SENP6: variants seen among roughly 807,000 people sequenced by gnomAD.
The protein encoded by SENP6 is SUMO specific peptidase 6.
Under a neutral mutation model 134.5 loss-of-function variants are expected in SENP6, and 41 were observed. The ratio of observed to expected loss-of-function variants is 0.30; its 90% CI spans 0.24 to 0.40. The LOEUF (loss-of-function observed/expected upper bound fraction) is 0.40. SENP6 is among the 10% of genes least tolerant of loss of function. SENP6 has a pLI of 1.00. For missense variants in SENP6, 1,248 were observed against 1,312.5 expected, an observed-to-expected ratio of 0.95 and a Z score of 0.76; for synonymous variants, 395 against 429.8, an observed-to-expected ratio of 0.92 and a Z score of 1.00.
In SENP6 at chr6:75,678,384, A is replaced by G. The variant is rs114794739; in HGVS notation, c.1849-199A>G. ...TTACATAAGTTGGGAGAGTATCACT[A>G]TCTAGAAGCTACAGATAATAAGAAA... On this transcript the variant is annotated intron_variant, in intron 14 of 23. Coordinates refer to ENST00000447266, the MANE Select transcript of SENP6 (RefSeq NM_015571.4). 7.7e-3 allele frequency: 3,749 copies of G among 487,460 alleles called. 134 individuals are homozygous for G. Among genetic ancestry groups the G allele is most frequent in the African/African-American group, 0.068 (3,351 of 49,218 alleles). The allele number at this position is 487,460 out of a possible 1,614,324, so 30.2% of individuals were successfully genotyped here. A position where few individuals can be genotyped will look rare whatever the true frequency, so the allele number is the denominator to read the frequency against.
In SENP6 at chr6:75,713,935, T is replaced by A. The variant is rs1007349802; in HGVS notation, c.3129+110T>A. ...ATATTTTAAAGAGTTTCAAAATTAT[T>A]GTTTCAAAAATTATTCCATGGAGCA... On this transcript the variant is annotated intron_variant, in intron 23 of 23. Coordinates refer to ENST00000447266, the MANE Select transcript of SENP6 (RefSeq NM_015571.4). 4 of 888,920 alleles carry A rather than the reference T, an allele frequency of 4.5e-6. No homozygotes were observed. The African/African-American group carries it at 6.8e-5, about 15-fold the overall frequency. The allele number at this position is 888,920 out of a possible 1,614,324, so 55.1% of individuals were successfully genotyped here. A position where few individuals can be genotyped will look rare whatever the true frequency, so the allele number is the denominator to read the frequency against.
chr6:75,656,709 C>G (rs767698153), intron 7 of SENP6, among the ~76,000 whole-genome samples: 27 of 152,112 alleles, frequency 1.8e-4, no homozygotes, highest in Non-Finnish European at 2.6e-4. Context: ...CACTATCAAT[C>G]ATTTACCATT....
intron 7 of SENP6, among the ~76,000 whole-genome samples, 163 bp from the exon 8 acceptor site, chr6:75,659,099 G>T (rs1482234819): frequency 6.6e-6 from 1 of 151,736 alleles, no homozygotes; most frequent in African/African-American, 2.4e-5. Context: ...ACTTGATGAA[G>T]TGGTCCATAT....
At chr6:75,672,858 C>A (rs1772785065) in intron 11 of SENP6, among the ~76,000 whole-genome samples, 1 of 152,086 alleles carries the variant, frequency 6.6e-6, no homozygotes, top group South Asian at 2.1e-4. Flanking sequence ...GACAGAGTCT[C>A]ACTCTGTTGC....
chr6:75,663,878 C>T (rs1238617004), intron 9 of SENP6, among the ~76,000 whole-genome samples: 2 of 148,380 alleles, frequency 1.3e-5, no homozygotes, highest in Non-Finnish European at 3.0e-5. Context: ...AAATATTTGA[C>T]ATACAATATC....
At chr6:75,710,751 T>C (rs1232770081) in intron 20 of SENP6, among the ~76,000 whole-genome samples, 2 of 152,136 alleles carry the variant, frequency 1.3e-5, no homozygotes, top group African/African-American at 2.4e-5. Context: ...AGAAGCTTTC[T>C]CAAAGAACAA....
At chr6:75,632,715 T>C (rs1222854863) in intron 3 of SENP6, among the ~76,000 whole-genome samples, 1 of 152,072 alleles carries the variant, frequency 6.6e-6, no homozygotes, top group Non-Finnish European at 1.5e-5. Context: ...GGTAGGGCGG[T>C]GGATTTAAAG....
At chr6:75,610,391 T>C (rs1767354313) in intron 1 of SENP6, among the ~76,000 whole-genome samples, 1 of 152,156 alleles carries the variant, frequency 6.6e-6, no homozygotes, top group Admixed American at 6.5e-5. Flanking sequence ...TCATATTACT[T>C]AGAATGATGC....
At chr6:75,708,819 G>A (rs1367572324) in intron 19 of SENP6, among the ~76,000 whole-genome samples, 1 of 152,126 alleles carries the variant, frequency 6.6e-6, no homozygotes, top group East Asian at 1.9e-4. Context: ...ACTCGAACCT[G>A]GGAGGCAGAG....
At position 75,602,412 on chromosome 6, in the gene SENP6, C is replaced by G. The variant is rs1582630674; in HGVS notation, c.-113C>G. 7.8e-7 allele frequency: 1 copy of G among 1,275,866 alleles called. No homozygotes were observed. The highest frequency in any genetic ancestry group is 2.1e-5 in the Admixed American group (1 of 48,452). The allele number at this position is 1,275,866 out of a possible 1,614,324, so 79.0% of individuals were successfully genotyped here. On this transcript the variant is annotated 5_prime_UTR_variant, in exon 1 of 24. Transcript: ENST00000447266. ...GCGCAGCCCGCCTGACGGCTGAGCC[C>G]GAGGCCCGCAACCCTGCGGCGTCTA...
intron 16 of SENP6, among the ~76,000 whole-genome samples, chr6:75,691,377 CA>C (rs1162498481): frequency 6.6e-6 from 1 of 152,012 alleles, no homozygotes; most frequent in Non-Finnish European, 1.5e-5. Context: ...GGGATCCTCC[CA>C]CCACTGTGCC....
intron 10 of SENP6, among the ~76,000 whole-genome samples, chr6:75,667,483 A>G (rs1772333721): frequency 6.6e-6 from 1 of 152,222 alleles, no homozygotes; most frequent in Non-Finnish European, 1.5e-5. Flanking sequence ...AAGAAAATTC[A>G]TGTAGTAAAC....
chr6:75,624,774 T>C (rs1768540628), intron 3 of SENP6, among the ~76,000 whole-genome samples: 1 of 152,184 alleles, frequency 6.6e-6, no homozygotes, highest in South Asian at 2.1e-4. Flanking sequence ...TTTTTTCACA[T>C]TTTAACATCT....
intron 16 of SENP6, among the ~76,000 whole-genome samples, chr6:75,693,056 A>C (rs901650757): frequency 1.3e-5 from 2 of 152,056 alleles, no homozygotes; most frequent in Non-Finnish European, 2.9e-5. Flanking sequence ...TCACAAATAC[A>C]TTTCCTTTTT....
rs753117762 is a variant in SENP6, at chr6:75,627,972, T to A, written c.207+4012T>A. On this transcript the variant is annotated intron_variant, in intron 3 of 23. Transcript: ENST00000447266. ...CAGGCGTGAGCCACCACGCCTGGCCTGCTTTCAGATTTCTTATGATTTTTT... is the reference window on the plus strand; with the variant it reads ...CAGGCGTGAGCCACCACGCCTGGCCAGCTTTCAGATTTCTTATGATTTTTT... 6.6e-5 allele frequency among the ~76,000 whole-genome samples: 10 copies of A among 152,316 alleles called. No homozygotes were observed. In the Middle Eastern group the frequency reaches 0.01, roughly 155 times the overall value.
chr6:75,687,193 A>G (rs975019403), intron 16 of SENP6, among the ~76,000 whole-genome samples: 9 of 152,110 alleles, frequency 5.9e-5, no homozygotes, highest in Non-Finnish European at 1.2e-4. Flanking sequence ...CGAATTGGCT[A>G]TTGAAGCTTG....
At chr6:75,604,209 T>C (rs1246015377) in intron 1 of SENP6, among the ~76,000 whole-genome samples, 2 of 152,240 alleles carry the variant, frequency 1.3e-5, no homozygotes, top group Non-Finnish European at 2.9e-5. Flanking sequence ...AATGTGAGTT[T>C]CAAACTACTA....
At chr6:75,702,615 A>G (rs750960106) in intron 18 of SENP6, 30 bp from the exon 19 acceptor site, 2 of 1,514,346 alleles carry the variant, frequency 1.3e-6, no homozygotes, top group Admixed American at 2.3e-5. Flanking sequence ...TTCTAATAAC[A>G]TATTTAGTCA....
At chr6:75,705,991 C>T (rs1370040725) in intron 19 of SENP6, among the ~76,000 whole-genome samples, 1 of 113,600 alleles carries the variant, frequency 8.8e-6, no homozygotes, top group Non-Finnish European at 1.7e-5. Context: ...GGCTGGAGTG[C>T]AGTGGCGTAA....
Sources: allele counts gnomAD v4.1 joint callset (sites outside exome capture counted in the v4.1 genomes callset), GRCh38; gene constraint gnomAD v4.1.1; transcripts MANE v1.5; gene names NCBI Gene and HGNC (gene_info 2026-07-23, HGNC 2026-07-21).